C12orf42: variants seen among roughly 807,000 people sequenced by gnomAD.
The protein encoded by C12orf42 is uncharacterized protein C12orf42.
C12orf42 carries 25 observed loss-of-function variants against 21.6 expected under a neutral mutation model. The observed-to-expected ratio is 1.16, with a 90% CI of 0.84 to 1.62. The LOEUF is 1.62. Among genes scored for constraint, C12orf42 ranks in the 40% most tolerant of loss-of-function variants. The pLI, the probability that C12orf42 is intolerant of heterozygous loss-of-function variation, is 0.00. For synonymous variants in C12orf42, 174 were observed against 175.0 expected (o/e 0.99, Z 0.05); for missense variants, 483 against 459.3 (o/e 1.05, Z -0.47).
chr12:103,254,768 G>T (rs1404773235), intron 10 of C12orf42, among the ~76,000 whole-genome samples: 1 of 152,164 alleles, frequency 6.6e-6, no homozygotes, highest in African/African-American at 2.4e-5. Flanking sequence ...CTGGGGGATT[G>T]TGTGGGGAAG....
At chr12:103,477,473 G>A (rs1338865211) in intron 2 of C12orf42, among the ~76,000 whole-genome samples, 1 of 152,044 alleles carries the variant, frequency 6.6e-6, no homozygotes, top group Non-Finnish European at 1.5e-5. Context: ...TAGAACCTGT[G>A]AACATTACCT....
chr12:103,502,659 CCAGCCTCACTT>C, the C12orf42 span, among the ~76,000 whole-genome samples: 1 of 152,176 alleles, frequency 6.6e-6, no homozygotes, highest in Non-Finnish European at 1.5e-5. Flanking sequence ...CTGCCCGCTG[CCAGCCTCACTT>C]CAATGACTCT....
At chr12:103,356,500 T>C (rs1424863393) in intron 4 of C12orf42, among the ~76,000 whole-genome samples, 1 of 152,064 alleles carries the variant, frequency 6.6e-6, no homozygotes, top group Non-Finnish European at 1.5e-5. Context: ...TCCATGTGTC[T>C]TTATAGCAGC....
chr12:103,213,733 GAA>G, the C12orf42 span, among the ~76,000 whole-genome samples: 9 of 152,298 alleles, frequency 5.9e-5, 1 homozygote, highest in East Asian at 1.7e-3. Flanking sequence ...AGGGATCTGA[GAA>G]AAACTCACCA....
At chr12:103,364,893 C>G (rs1363178915) in intron 4 of C12orf42, among the ~76,000 whole-genome samples, 1 of 151,978 alleles carries the variant, frequency 6.6e-6, no homozygotes, top group Non-Finnish European at 1.5e-5. Context: ...CAGTTGAATT[C>G]TAGCAGACAT....
chr12:103,232,528 G>A, the C12orf42 span, among the ~76,000 whole-genome samples: 2 of 152,018 alleles, frequency 1.3e-5, no homozygotes, highest in Non-Finnish European at 2.9e-5. Flanking sequence ...CTAACACACG[G>A]TGAAATCCCA....
intron 2 of C12orf42, among the ~76,000 whole-genome samples, chr12:103,411,501 A>T (rs767308595): frequency 6.6e-6 from 1 of 152,210 alleles, no homozygotes; most frequent in Admixed American, 6.5e-5. Flanking sequence ...TCCAAAACTC[A>T]TGTGTTGAAA....
intron 3 of C12orf42, among the ~76,000 whole-genome samples, chr12:103,374,039 G>A (rs904881534): frequency 6.6e-6 from 1 of 152,198 alleles, no homozygotes; most frequent in African/African-American, 2.4e-5. Flanking sequence ...CTACTGCCAA[G>A]TATTGTGATC....
the C12orf42 span, among the ~76,000 whole-genome samples, chr12:103,054,207 T>C: frequency 2.0e-5 from 3 of 151,878 alleles, no homozygotes; most frequent in African/African-American, 7.2e-5. Flanking sequence ...GTTAAGTCTT[T>C]CAATCCATGA....
At chr12:103,368,395 T>C (rs567693939) in intron 4 of C12orf42, among the ~76,000 whole-genome samples, 10 of 151,810 alleles carry the variant, frequency 6.6e-5, no homozygotes, top group African/African-American at 2.2e-4. Flanking sequence ...CTACCTCCCC[T>C]GCCACACAAG....
At chr12:103,262,924 C>A (rs2136228078) in intron 10 of C12orf42, among the ~76,000 whole-genome samples, 1 of 152,164 alleles carries the variant, frequency 6.6e-6, no homozygotes, top group East Asian at 1.9e-4. Flanking sequence ...CAATGATAGA[C>A]TGGATTAAGA....
chr12:103,061,689 A>G, the C12orf42 span, among the ~76,000 whole-genome samples: 1 of 151,898 alleles, frequency 6.6e-6, no homozygotes, highest in Non-Finnish European at 1.5e-5. Flanking sequence ...GTATAGCTAT[A>G]TCAGCTTTCT....
At chr12:103,264,803 T>C (rs1476969426), downstream of C12orf42, among the ~76,000 whole-genome samples, 2 of 152,166 alleles carry the variant, frequency 1.3e-5, no homozygotes, top group Non-Finnish European at 2.9e-5. Context: ...TCCAGTCATA[T>C]ATGGCACTTT....
At chr12:103,062,770 C>A in the C12orf42 span, among the ~76,000 whole-genome samples, 1 of 151,982 alleles carries the variant, frequency 6.6e-6, no homozygotes, top group Non-Finnish European at 1.5e-5. Flanking sequence ...TTTAAATCTG[C>A]GGCTTGAAGT....
chr12:103,340,653 A>C (rs1442584949), intron 4 of C12orf42, among the ~76,000 whole-genome samples: 5 of 152,204 alleles, frequency 3.3e-5, no homozygotes, highest in Admixed American at 6.5e-5. Context: ...AAGACATTAA[A>C]ACAGTTATAA....
the C12orf42 span, among the ~76,000 whole-genome samples, chr12:103,083,310 G>A: frequency 6.6e-6 from 1 of 152,166 alleles, no homozygotes; most frequent in African/African-American, 2.4e-5. Context: ...GTTGCAGTGA[G>A]CTGAGATCGC....
intron 4 of C12orf42, among the ~76,000 whole-genome samples, chr12:103,280,625 A>C (rs527248081): frequency 6.6e-6 from 1 of 152,226 alleles, no homozygotes; most frequent in South Asian, 2.1e-4. Context: ...TCTCCACACA[A>C]AAAAAATCTT....
intron 4 of C12orf42, among the ~76,000 whole-genome samples, chr12:103,277,437 T>A (rs527889198): frequency 5.3e-5 from 8 of 152,140 alleles, no homozygotes; most frequent in African/African-American, 1.9e-4. Flanking sequence ...TTCATTTAGC[T>A]TCTGGAAAAT....
At chr12:103,437,487 A>G (rs1344379154) in intron 2 of C12orf42, among the ~76,000 whole-genome samples, 1 of 152,230 alleles carries the variant, frequency 6.6e-6, no homozygotes, top group Non-Finnish European at 1.5e-5. Flanking sequence ...GAAAGGATCA[A>G]TAAAATTGAT....
Sources: allele counts gnomAD v4.1 joint callset (sites outside exome capture counted in the v4.1 genomes callset), GRCh38; gene constraint gnomAD v4.1.1; transcripts MANE v1.5; gene names NCBI Gene and HGNC (gene_info 2026-07-23, HGNC 2026-07-21).